The following LIMS1 variants were observed in gnomAD, a reference collection of about 807,000 sequenced individuals.
The protein encoded by LIMS1 is LIM and senescent cell antigen-like-containing domain protein 1.
In LIMS1, 18 loss-of-function variants were observed where a neutral mutation model predicts 44.1. The observed-to-expected ratio is 0.41, with a 90% CI of 0.28 to 0.61. LIMS1 has a LOEUF of 0.61. Among genes scored for constraint, LIMS1 ranks in the 20% least tolerant of loss-of-function variants. The probability of loss-of-function intolerance (pLI) is 0.32; values close to 1 mark genes in which losing one functional copy is unlikely to be tolerated. For missense variants in LIMS1, 201 were observed against 422.0 expected (o/e 0.48, Z 4.59); for synonymous variants, 93 against 149.1 (o/e 0.62, Z 2.74).
At chr2:108,602,085 T>A (rs1328398466) in intron 1 of LIMS1, among the ~76,000 whole-genome samples, 2 of 152,228 alleles carry the variant, frequency 1.3e-5, no homozygotes, top group Non-Finnish European at 2.9e-5. Context: ...GAGTACTTTT[T>A]AAATTTCTTT....
chr2:108,643,345 G>A (rs577825025), intron 1 of LIMS1, among the ~76,000 whole-genome samples: 3 of 152,350 alleles, frequency 2.0e-5, no homozygotes, highest in East Asian at 3.9e-4. Flanking sequence ...AGCCCAAGGA[G>A]GATGAGCCGA....
intron 1 of LIMS1, among the ~76,000 whole-genome samples, chr2:108,578,862 G>A (rs1228626360): frequency 6.6e-6 from 1 of 152,118 alleles, no homozygotes; most frequent in African/African-American, 2.4e-5. Flanking sequence ...CCAAAGTGCT[G>A]GGATTACAGG....
intron 1 of LIMS1, among the ~76,000 whole-genome samples, chr2:108,574,658 G>T (rs767472279): frequency 5.3e-5 from 8 of 152,160 alleles, no homozygotes; most frequent in Non-Finnish European, 8.8e-5. Flanking sequence ...TGGTAGGCAG[G>T]TATTACTATA....
At chr2:108,606,506 G>T (rs777198047) in intron 1 of LIMS1, among the ~76,000 whole-genome samples, 1 of 152,166 alleles carries the variant, frequency 6.6e-6, no homozygotes, top group Non-Finnish European at 1.5e-5. Flanking sequence ...AATTTGTAAG[G>T]TACTTTTACA....
intron 1 of LIMS1, among the ~76,000 whole-genome samples, chr2:108,570,344 C>T (rs896631791): frequency 3.3e-5 from 5 of 152,124 alleles, no homozygotes; most frequent in Non-Finnish European, 7.3e-5. Context: ...GTAGGAGAAT[C>T]TCTTGAACCC....
Position 108,559,472 on chromosome 2 carries a change from C to T in LIMS1, c.32+24878C>T, listed in dbSNP as rs1014509242. Among the ~76,000 whole-genome samples the T allele has an allele frequency of 3.9e-5, 6 of 152,182 alleles. No individual in the cohort carries two copies. The East Asian group carries it at 5.8e-4, about 15-fold the overall frequency. On this transcript the variant is annotated intron_variant, in intron 1 of 9. Coordinates refer to ENST00000544547, the Ensembl canonical transcript of LIMS1. ...GTAAGAAAATAAGACTTTCTCATTGCGGTCTTATAATCAACTCTCTTAATT... is the reference window on the plus strand; with the variant it reads ...GTAAGAAAATAAGACTTTCTCATTGTGGTCTTATAATCAACTCTCTTAATT...
At chr2:108,534,544 G>T (rs895844383) in exon 1 of LIMS1, 13 of 1,208,496 alleles carry the variant, frequency 1.1e-5, no homozygotes, top group East Asian at 7.5e-5. Flanking sequence ...GAGAGACGGC[G>T]GCGGCCGAAA....
At chr2:108,536,525 C>T (rs1316871479) in intron 1 of LIMS1, among the ~76,000 whole-genome samples, 1 of 152,198 alleles carries the variant, frequency 6.6e-6, no homozygotes, top group Non-Finnish European at 1.5e-5. Context: ...GAAGGACATT[C>T]AGGCTGTTAG....
intron 1 of LIMS1, among the ~76,000 whole-genome samples, chr2:108,637,012 A>C (rs1033607416): frequency 2.0e-5 from 3 of 152,164 alleles, no homozygotes; most frequent in African/African-American, 7.2e-5. Context: ...TAGCTGAAAT[A>C]ATCCCTTGCC....
intron 1 of LIMS1, among the ~76,000 whole-genome samples, chr2:108,646,845 A>G (rs1486084536): frequency 6.6e-6 from 1 of 152,072 alleles, no homozygotes; most frequent in Non-Finnish European, 1.5e-5. Flanking sequence ...AGCTGGGACT[A>G]TGAGTAGCTG....
intron 1 of LIMS1, among the ~76,000 whole-genome samples, chr2:108,624,327 C>T (rs961066746): frequency 1.3e-5 from 2 of 152,248 alleles, no homozygotes; most frequent in African/African-American, 4.8e-5. Flanking sequence ...ATGACAAACA[C>T]ACCTGAGAAA....
chr2:108,649,784 CAG>C (rs2148941663), intron 1 of LIMS1, among the ~76,000 whole-genome samples: 1 of 152,104 alleles, frequency 6.6e-6, no homozygotes, highest in Admixed American at 6.5e-5. Context: ...CACATGGACA[CAG>C]GGAAGGGAAC....
chr2:108,603,172 TCTC>T (rs1272685611), intron 1 of LIMS1, among the ~76,000 whole-genome samples: 1 of 152,212 alleles, frequency 6.6e-6, no homozygotes, highest in African/African-American at 2.4e-5. Context: ...AGTATTCCCC[TCTC>T]CTCTATTTTT....
chr2:108,625,652 C>T (rs1407350013), intron 1 of LIMS1, among the ~76,000 whole-genome samples: 1 of 151,440 alleles, frequency 6.6e-6, no homozygotes. Flanking sequence ...TGGGAAGTTG[C>T]CACACAGCAG....
At chr2:108,652,899 C>A (rs1337068194) in intron 1 of LIMS1, among the ~76,000 whole-genome samples, 1 of 152,050 alleles carries the variant, frequency 6.6e-6, no homozygotes. Flanking sequence ...TGCCTCCTCA[C>A]TGTTTCACAT....
chr2:108,572,071 C>T (rs116663570), intron 1 of LIMS1, among the ~76,000 whole-genome samples: 3,053 of 152,132 alleles, frequency 0.02, 61 homozygotes, highest in African/African-American at 0.047. Flanking sequence ...TGTCTAAATA[C>T]TGGTTGTGTC....
At chr2:108,550,451 A>G (rs1432253846) in intron 1 of LIMS1, among the ~76,000 whole-genome samples, 3 of 151,558 alleles carry the variant, frequency 2.0e-5, no homozygotes, top group African/African-American at 7.3e-5. Context: ...GTGAGCCAAG[A>G]TCACGCCACT....
At position 108,669,394 on chromosome 2, in the gene LIMS1, C is replaced by T. The variant is rs1247075659; in HGVS notation, c.193-1387C>T. ...CTGCACTCCAGACTGGGCAACAGAG[C>T]GAGACTCTGGGAAAAAAAAAAAAGT... On this transcript the variant is annotated intron_variant, in intron 2 of 9. Coordinates refer to ENST00000544547, the Ensembl canonical transcript of LIMS1. 8.0e-5 allele frequency among the ~76,000 whole-genome samples: 12 copies of T among 150,934 alleles called. 1 individual carries two copies. The highest frequency in any genetic ancestry group is 5.3e-4 in the Admixed American group (8 of 15,160).
intron 9 of LIMS1, among the ~76,000 whole-genome samples, chr2:108,683,258 C>G (rs1693123953): frequency 6.6e-6 from 1 of 152,078 alleles, no homozygotes; most frequent in Non-Finnish European, 1.5e-5. Context: ...CATGTTGCCT[C>G]CAATAAAGAA....
Sources: allele counts gnomAD v4.1 joint callset (sites outside exome capture counted in the v4.1 genomes callset), GRCh38; gene constraint gnomAD v4.1.1; transcripts MANE v1.5; gene names NCBI Gene and HGNC (gene_info 2026-07-23, HGNC 2026-07-21).